Variants in LUC7L2 observed in about 807,000 individuals in gnomAD.
LUC7L2 encodes putative RNA-binding protein Luc7-like 2.
A neutral mutation model predicts 52.8 loss-of-function variants in LUC7L2; 25 were observed. The observed-to-expected ratio is 0.47, with a 90% confidence interval of 0.34 to 0.66. The LOEUF (loss-of-function observed/expected upper bound fraction) is 0.66, where lower values mean the gene tolerates loss of function less well. LUC7L2 is among the 30% of genes least tolerant of loss of function. The probability of loss-of-function intolerance (pLI) is 0.01; values close to 1 mark genes in which losing one functional copy is unlikely to be tolerated. For synonymous variants in LUC7L2, 144 were observed against 160.9 expected (o/e 0.89, Z 0.80); for missense variants, 328 against 497.8 (o/e 0.66, Z 3.25).
intron 2 of LUC7L2, among the ~76,000 whole-genome samples, chr7:139,379,549 C>CTTTTTTTTTTTTTTTTTTTTTTTTTTTT (rs539771697): frequency 1.9e-5 from 1 of 52,684 alleles, no homozygotes; most frequent in African/African-American, 8.8e-5. Context: ...ATAACTAATG[C>CTTTTTTTTTTTTTTTTTTTTTTTTTTTT]TTTTTTTTTT....
chr7:139,381,068 G>T (rs1800987945), intron 2 of LUC7L2, among the ~76,000 whole-genome samples: 2 of 151,912 alleles, frequency 1.3e-5, no homozygotes, highest in Non-Finnish European at 2.9e-5. Flanking sequence ...CTGTTGATAG[G>T]CCCTCATATC....
intron 4 of LUC7L2, among the ~76,000 whole-genome samples, chr7:139,405,177 A>C (rs550830713): frequency 1.3e-5 from 2 of 152,322 alleles, no homozygotes; most frequent in African/African-American, 4.8e-5. Context: ...ATGGCCCTTG[A>C]GTTGTATCTT....
chr7:139,382,416 C>T (rs946730579), intron 2 of LUC7L2, among the ~76,000 whole-genome samples: 11 of 151,956 alleles, frequency 7.2e-5, no homozygotes, highest in South Asian at 2.1e-4. Flanking sequence ...ACAGTCTCTC[C>T]CTGTCACCCA....
At chr7:139,404,313 C>G (rs1048490792) in intron 4 of LUC7L2, among the ~76,000 whole-genome samples, 8 of 152,106 alleles carry the variant, frequency 5.3e-5, no homozygotes, top group Non-Finnish European at 1.2e-4. Flanking sequence ...AGTTTGAGAC[C>G]AGCCTGGCCA....
intron 1 of LUC7L2, among the ~76,000 whole-genome samples, chr7:139,364,197 A>G (rs538411619): frequency 1.5e-4 from 23 of 151,878 alleles, no homozygotes; most frequent in Non-Finnish European, 2.4e-4. Context: ...GTTGGCCAGG[A>G]TGGTCTCGAA....
intron 1 of LUC7L2, among the ~76,000 whole-genome samples, chr7:139,347,636 A>AT (rs1446300275): frequency 1.3e-5 from 2 of 152,126 alleles, no homozygotes; most frequent in African/African-American, 4.8e-5. Context: ...AGAGGTTAAC[A>AT]TTAAAATAAT....
chr7:139,341,109 G>C (rs920721506), intron 1 of LUC7L2: 1 of 356,500 alleles, frequency 2.8e-6, no homozygotes, highest in African/African-American at 2.1e-5. Flanking sequence ...CAATGACGCA[G>C]TGAAGAAAAG....
At chr7:139,370,927 A>G (rs1357002675) in intron 1 of LUC7L2, among the ~76,000 whole-genome samples, 1 of 152,138 alleles carries the variant, frequency 6.6e-6, no homozygotes, top group East Asian at 1.9e-4. Flanking sequence ...TAGGGATTCA[A>G]GGGGTCAGGA....
At chr7:139,352,714 G>A (rs1182391170) in intron 1 of LUC7L2, among the ~76,000 whole-genome samples, 2 of 152,162 alleles carry the variant, frequency 1.3e-5, no homozygotes, top group African/African-American at 2.4e-5. Context: ...GTCTGGTTAA[G>A]TGTTAGAGAT....
At chr7:139,360,408 C>G in intron 1 of LUC7L2, 86 bp downstream of exon 1, 1 of 1,316,464 alleles carries the variant, frequency 7.6e-7, no homozygotes, top group South Asian at 1.3e-5. Context: ...TGGGCGCGCG[C>G]GTGTGGCTGA....
chr7:139,399,764 C>T (rs966314455), intron 3 of LUC7L2, among the ~76,000 whole-genome samples: 4 of 151,780 alleles, frequency 2.6e-5, no homozygotes, highest in Admixed American at 6.6e-5. Flanking sequence ...CCACGGCACC[C>T]GGCCGTTTGG....
chr7:139,361,163 A>C (rs1799862565), intron 1 of LUC7L2, among the ~76,000 whole-genome samples: 1 of 152,250 alleles, frequency 6.6e-6, no homozygotes, highest in African/African-American at 2.4e-5. Flanking sequence ...AAATGATGAA[A>C]TGCTGTTGCT....
In LUC7L2 at chr7:139,419,353, T is replaced by C. The variant is rs552409614; in HGVS notation, c.1001+1624T>C. On this transcript the variant is annotated intron_variant, in intron 9 of 9. Coordinates refer to ENST00000354926, the MANE Select transcript of LUC7L2 (RefSeq NM_016019.5). ...GGTAGAATCAGCTAGGAAAAAGATATTCCATATAGAGTGAATATCCTAGGC... is the reference window on the plus strand; with the variant it reads ...GGTAGAATCAGCTAGGAAAAAGATACTCCATATAGAGTGAATATCCTAGGC... Among the ~76,000 whole-genome samples, 26 of 152,298 alleles carry C rather than the reference T, an allele frequency of 1.7e-4. 1 individual carries two copies. The highest frequency in any genetic ancestry group is 5.1e-4 in the African/African-American group (21 of 41,570).
chr7:139,359,862 G>C, upstream of LUC7L2: 1 of 408,366 alleles, frequency 2.4e-6, no homozygotes, highest in Non-Finnish European at 4.3e-6. Flanking sequence ...TGGAGCCCCC[G>C]CGGGAAACGA....
intron 1 of LUC7L2, among the ~76,000 whole-genome samples, chr7:139,364,050 C>G (rs1003496404): frequency 7.3e-6 from 1 of 137,358 alleles, no homozygotes; most frequent in Non-Finnish European, 1.5e-5. Context: ...GGCACGATCT[C>G]GGCTCACTGC....
chr7:139,404,040 T>C (rs1034641782), intron 4 of LUC7L2, among the ~76,000 whole-genome samples: 1 of 152,216 alleles, frequency 6.6e-6, no homozygotes, highest in African/African-American at 2.4e-5. Flanking sequence ...GACAACAGTT[T>C]AGTCATTCAA....
At chr7:139,384,835 A>G (rs1794120665) in intron 2 of LUC7L2, among the ~76,000 whole-genome samples, 2 of 152,084 alleles carry the variant, frequency 1.3e-5, no homozygotes, top group Admixed American at 6.5e-5. Flanking sequence ...GGTGCAATAC[A>G]GCCTTGAACT....
chr7:139,369,580 T>C (rs1398589521), intron 1 of LUC7L2, among the ~76,000 whole-genome samples: 2 of 152,238 alleles, frequency 1.3e-5, no homozygotes, highest in African/African-American at 4.8e-5. Context: ...ATCACCATTC[T>C]GGTTAGCTTC....
rs188953810 is a variant in LUC7L2, at chr7:139,388,033, C to G, written c.157-10566C>G. 1.1e-4 allele frequency among the ~76,000 whole-genome samples: 17 copies of G among 152,202 alleles called. No individual in the cohort carries two copies. The East Asian group carries it at 1.2e-3, about 10-fold the overall frequency. On this transcript the variant is annotated intron_variant, in intron 2 of 9. Transcript: ENST00000354926. The stretch of plus-strand genomic sequence containing the variant: ...TCTTCTGCCTGCAATATTCTTTCTC[C>G]TCTCTACAAATTTAAATCCTATCTG...
Sources: allele counts gnomAD v4.1 joint callset (sites outside exome capture counted in the v4.1 genomes callset), GRCh38; gene constraint gnomAD v4.1.1; transcripts MANE v1.5; gene names NCBI Gene and HGNC (gene_info 2026-07-23, HGNC 2026-07-21).